Variants in SYNE1 observed in about 807,000 individuals in gnomAD.
SYNE1 encodes the protein nesprin-1.
Under a neutral mutation model 1,111.0 loss-of-function variants are expected in SYNE1, and 616 were observed. The ratio of observed to expected loss-of-function variants is 0.55; its 90% confidence interval spans 0.52 to 0.59. The LOEUF (loss-of-function observed/expected upper bound fraction) is 0.59. Ranked by LOEUF, SYNE1 falls within the 20% of genes least tolerant of loss-of-function variation. The probability of loss-of-function intolerance (pLI) is 0.00; values close to 1 mark genes in which losing one functional copy is unlikely to be tolerated. For missense variants in SYNE1, 10,006 were observed against 10,417.0 expected (o/e 0.96, Z 1.72); for synonymous variants, 3,855 against 3,825.8 (o/e 1.01, Z -0.28).
rs542545053 is a variant in SYNE1 at position 152,239,723 on chromosome 6, A to G, written c.19894-17T>C. 6 of 1,614,104 alleles carry G rather than the reference A, an allele frequency of 3.7e-6. No homozygotes were observed. The South Asian group carries it at 6.6e-5, about 18-fold the overall frequency. ...AAAGTATTCCTGCAATTTTTCAGGA[A>G]GAAAGAAGTCAGCAACTCATTCATA... On this transcript the variant is annotated splice_polypyrimidine_tract_variant and intron_variant, in intron 107 of 145. Transcript: ENST00000367255.
At chr6:152,154,445 TACACACACACACACACAC>T (rs56398921) in intron 133 of SYNE1, among the ~76,000 whole-genome samples, 31 of 143,278 alleles carry the variant, frequency 2.2e-4, no homozygotes, top group Admixed American at 1.8e-3. Flanking sequence ...TTTTATCAAA[TACACACACACACACACAC>T]ACACACACAC....
chr6:152,148,040 C>G lies in SYNE1; in HGVS notation c.24976+5G>C, dbSNP rs767647686. ...AGCTGGCAAACTGGAGAGGCTCTTTCCTACCTGATAAGCCAACAGCTCCCC... is the reference window on the plus strand; with the variant it reads ...AGCTGGCAAACTGGAGAGGCTCTTTGCTACCTGATAAGCCAACAGCTCCCC... On this transcript the variant is annotated splice_donor_5th_base_variant and intron_variant, in intron 137 of 145. Coordinates refer to ENST00000367255, the MANE Select transcript of SYNE1 (RefSeq NM_182961.4). This position sits in a 1 kb window ranked among gnomAD's most constrained non-coding sequence, Gnocchi z 4.1. 8.7e-6 allele frequency: 14 copies of G among 1,613,470 alleles called. No homozygotes were observed. Among genetic ancestry groups the G allele is most frequent in the Non-Finnish European group, 1.2e-5 (14 of 1,179,796 alleles).
chr6:152,355,022 C>T, intron 66 of SYNE1, 46 bp from the exon 67 acceptor site: 3 of 1,604,632 alleles, frequency 1.9e-6, no homozygotes, highest in Non-Finnish European at 2.5e-6. Context: ...ATATTTCACA[C>T]TTGCATGGGT....
At chr6:152,135,518 G>A in intron 141 of SYNE1, among the ~76,000 whole-genome samples, 1 of 152,222 alleles carries the variant, frequency 6.6e-6, no homozygotes, top group East Asian at 1.9e-4. Flanking sequence ...CAGTTTGGAA[G>A]GAAGCAACTC....
chr6:152,374,922 A>ATTATTTTATT (rs140950913), intron 58 of SYNE1, among the ~76,000 whole-genome samples: 2,008 of 149,766 alleles, frequency 0.013, 57 homozygotes, highest in African/African-American at 0.045. Flanking sequence ...TTTTTAGTTT[A>ATTATTTTATT]TTATTTTATT....
chr6:152,610,131 G>A (rs973571855), intron 3 of SYNE1, among the ~76,000 whole-genome samples: 7 of 152,194 alleles, frequency 4.6e-5, no homozygotes, highest in Non-Finnish European at 8.8e-5. Flanking sequence ...GAACAAAGCT[G>A]GACAGAGAAT....
Position 152,365,371 on chromosome 6 carries a change from T to C in SYNE1, c.9973-352A>G, listed in dbSNP as rs577936334. Among the ~76,000 whole-genome samples the C allele has an allele frequency of 2.8e-4, 43 of 152,310 alleles. 1 individual carries two copies. The highest frequency in any genetic ancestry group is 1.0e-3 in the African/African-American group (43 of 41,560). On this transcript the variant is annotated intron_variant, in intron 62 of 145. Coordinates refer to ENST00000367255, the MANE Select transcript of SYNE1 (RefSeq NM_182961.4). ...GATGAAGAGCTTATAAATGTTATGG[T>C]CTCTATAACCAAAAAAACCCATAGA...
intron 122 of SYNE1, 71 bp downstream of exon 122, chr6:152,214,835 G>T: frequency 6.4e-7 from 1 of 1,567,334 alleles, no homozygotes. Context: ...GCATTCTGTA[G>T]TATTTTGACA....
intron 3 of SYNE1, among the ~76,000 whole-genome samples, chr6:152,625,763 A>C (rs1382657247): frequency 6.6e-6 from 1 of 152,208 alleles, no homozygotes; most frequent in African/African-American, 2.4e-5. Context: ...AAATCCGGAT[A>C]GTTAGAAAAA....
chr6:152,345,095 A>G (rs1245936420), intron 73 of SYNE1, among the ~76,000 whole-genome samples: 1 of 152,168 alleles, frequency 6.6e-6, no homozygotes, highest in East Asian at 1.9e-4. Flanking sequence ...TCCAAGCAGA[A>G]TTTTTAAAAG....
chr6:152,190,526 T>C (rs957192558), intron 127 of SYNE1, among the ~76,000 whole-genome samples: 1 of 152,342 alleles, frequency 6.6e-6, no homozygotes, highest in Non-Finnish European at 1.5e-5. Context: ...TAATAGATGA[T>C]AGCAAAGTAA....
intron 17 of SYNE1, 66 bp downstream of exon 17, chr6:152,465,916 T>C (rs572922979): frequency 1.7e-6 from 2 of 1,168,496 alleles, no homozygotes; most frequent in East Asian, 2.3e-5. Context: ...TCTGATCAGA[T>C]AGAAACCTGC....
chr6:152,312,001 G>T (rs1416776011), intron 87 of SYNE1, among the ~76,000 whole-genome samples: 2 of 152,148 alleles, frequency 1.3e-5, no homozygotes, highest in African/African-American at 4.8e-5. Context: ...AGCCAGGATG[G>T]TCTCGATCTC....
chr6:152,133,411 A>G lies in SYNE1; in HGVS notation c.25866T>C (p.Asn8622=), dbSNP rs1391148374. Residue 8622 remains asparagine (N), a synonymous_variant, in exon 143 of 146, where the codon AAT becomes AAC. Coordinates refer to ENST00000367255, the MANE Select transcript of SYNE1 (RefSeq NM_182961.4). The part of the protein sequence containing the change: ...LQDMSCQLLV[N]AEGTDCLEAK... Reference sequence around the variant, plus strand: ...CTTCTAAACAGTCTGTTCCTTCAGCATTCACCAGTAGTTGGCAAGACATGT... The same window carrying G: ...CTTCTAAACAGTCTGTTCCTTCAGCGTTCACCAGTAGTTGGCAAGACATGT... 1.4e-5 allele frequency: 22 copies of G among 1,614,092 alleles called. No homozygotes were observed. In the Admixed American group the frequency reaches 1.5e-4, roughly 11 times the overall value.
At chr6:152,318,472 A>G in intron 85 of SYNE1, 2 of 629,884 alleles carry the variant, frequency 3.2e-6, no homozygotes, top group Non-Finnish European at 5.5e-6. Flanking sequence ...TATGAGGCTG[A>G]GTGAGAAGGC....
At position 152,323,466 on chromosome 6, in the gene SYNE1, G is replaced by T; in HGVS notation, c.15917+12C>A. The T allele has an allele frequency of 6.2e-7, 1 of 1,611,694 alleles. No homozygotes were observed. The highest frequency in any genetic ancestry group is 8.5e-7 in the Non-Finnish European group (1 of 1,179,984). ...CAAACAAACAAAAGAATGAAAGTAGGTGCTTAATTACTTCAGGCACCGATC... is the reference window on the plus strand; with the variant it reads ...CAAACAAACAAAAGAATGAAAGTAGTTGCTTAATTACTTCAGGCACCGATC... On this transcript the variant is annotated intron_variant, in intron 82 of 145. Transcript: ENST00000367255.
chr6:152,478,802 C>T (rs2098852516), intron 14 of SYNE1, among the ~76,000 whole-genome samples: 1 of 152,060 alleles, frequency 6.6e-6, no homozygotes, highest in African/African-American at 2.4e-5. Context: ...GGTTAGTCAT[C>T]GCGCCTGGGG....
intron 10 of SYNE1, among the ~76,000 whole-genome samples, chr6:152,501,566 T>C (rs1158638403): frequency 1.3e-5 from 2 of 151,852 alleles, no homozygotes; most frequent in Admixed American, 1.3e-4. Context: ...AAACCCAATC[T>C]CTACTAGAAA....
intron 128 of SYNE1, among the ~76,000 whole-genome samples, chr6:152,188,957 CAAAAAAAAAA>C (rs1159424311): frequency 1.0e-4 from 5 of 49,082 alleles, no homozygotes; most frequent in African/African-American, 1.6e-4. Context: ...GACTCTGTCT[CAAAAAAAAAA>C]AAAAAAAAAA....
Sources: gnomAD v4.1 joint callset for allele counts (sites outside exome capture counted in the v4.1 genomes callset) on GRCh38, gnomAD v4.1.1 for gene constraint, Gnocchi (gnomAD v3.1) non-coding constraint, MANE v1.5 for transcripts, NCBI Gene and HGNC (gene_info 2026-07-23, HGNC 2026-07-21) for gene names.